The following FAT3 variants were observed in gnomAD, a reference collection of about 807,000 sequenced individuals.
The protein encoded by FAT3 is protocadherin Fat 3.
FAT3 carries 95 observed loss-of-function variants against 310.2 expected under a neutral mutation model. The observed-to-expected ratio is 0.31, with a 90% CI of 0.26 to 0.36. FAT3 has a LOEUF of 0.36. Among genes scored for constraint, FAT3 ranks in the 10% least tolerant of loss-of-function variants. The probability of loss-of-function intolerance (pLI) is 1.00; values close to 1 mark genes in which losing one functional copy is unlikely to be tolerated. For synonymous variants in FAT3, 2,314 were observed against 2,192.9 expected (o/e 1.06, Z -1.54); for missense variants, 5,408 against 5,715.6 (o/e 0.95, Z 1.74).
chr11:92,537,445 C>T (rs1375497176), intron 3 of FAT3, among the ~76,000 whole-genome samples: 1 of 152,106 alleles, frequency 6.6e-6, no homozygotes, highest in East Asian at 1.9e-4. Context: ...TATCTGTATA[C>T]CCCTTAGCAG....
chr11:92,598,230 A>ATATT (rs756896313), intron 3 of FAT3, among the ~76,000 whole-genome samples: 4,553 of 134,354 alleles, frequency 0.034, 91 homozygotes, highest in African/African-American at 0.052. Flanking sequence ...ATATATATAT[A>ATATT]TTTTTTTTTT....
At chr11:92,603,748 C>G (rs1319927747) in intron 3 of FAT3, among the ~76,000 whole-genome samples, 2 of 152,138 alleles carry the variant, frequency 1.3e-5, no homozygotes, top group African/African-American at 4.8e-5. Context: ...AACAGTCCAC[C>G]AGATTGCTCT....
chr11:92,364,417 C>G (rs1948960991), intron 2 of FAT3, among the ~76,000 whole-genome samples: 1 of 152,160 alleles, frequency 6.6e-6, no homozygotes, highest in African/African-American at 2.4e-5. Context: ...ATTTATTGCC[C>G]TTCATGACTT....
chr11:92,303,541 G>A (rs1031706592), intron 1 of FAT3, among the ~76,000 whole-genome samples: 2 of 152,052 alleles, frequency 1.3e-5, no homozygotes, highest in African/African-American at 2.4e-5. Context: ...TTGAGGAGTC[G>A]AGTCCTGCAC....
intron 1 of FAT3, among the ~76,000 whole-genome samples, chr11:92,286,767 G>C (rs1946570737): frequency 6.6e-6 from 1 of 151,648 alleles, no homozygotes; most frequent in Admixed American, 6.6e-5. Context: ...TGTGGCATCT[G>C]TTAGAGAAAA....
intron 2 of FAT3, among the ~76,000 whole-genome samples, chr11:92,504,672 A>G (rs1258530422): frequency 9.9e-5 from 15 of 152,040 alleles, no homozygotes; most frequent in Non-Finnish European, 1.3e-4. Flanking sequence ...TTTCCCCAAC[A>G]AGATTTACCT....
intron 3 of FAT3, among the ~76,000 whole-genome samples, chr11:92,558,373 A>G (rs879744377): frequency 1.3e-5 from 2 of 150,860 alleles, no homozygotes; most frequent in Non-Finnish European, 3.0e-5. Flanking sequence ...GTGGTATGTG[A>G]TAGATTCATA....
intron 4 of FAT3, among the ~76,000 whole-genome samples, chr11:92,701,496 C>T (rs1944095312): frequency 1.3e-5 from 2 of 152,210 alleles, no homozygotes; most frequent in African/African-American, 2.4e-5. Context: ...TTCACAAGTA[C>T]AGCTTATACT....
chr11:92,834,808 A>T, intron 14 of FAT3, 62 bp from the exon 15 acceptor site: 1 of 1,348,910 alleles, frequency 7.4e-7, no homozygotes, highest in Non-Finnish European at 1.0e-6. Context: ...TACCATGATT[A>T]TAGAATTGCT....
Position 92,354,146 on chromosome 11 carries a change from A to G in FAT3, c.2034A>G (p.Ser678=), listed in dbSNP as rs775755926. The change falls in exon 2 of 28, where the codon TCA becomes TCG. Residue 678 remains serine (S), a synonymous_variant. Transcript: ENST00000525166. ...NISVLHGKVS[S]KSFSCRETRV... is the part of the protein sequence containing the mutation. ...CAGTCCTACATGGGAAAGTGTCTTCAAAGAGCTTCAGTTGCAGAGAAACTC... is the reference window on the plus strand; with the variant it reads ...CAGTCCTACATGGGAAAGTGTCTTCGAAGAGCTTCAGTTGCAGAGAAACTC... The G allele has an allele frequency of 3.7e-6, 6 of 1,613,898 alleles. No individual in the cohort carries two copies. The Admixed American group carries it at 1.0e-4, about 27-fold the overall frequency.
At chr11:92,783,549 G>A (rs1288731785) in intron 7 of FAT3, among the ~76,000 whole-genome samples, 1 of 149,324 alleles carries the variant, frequency 6.7e-6, no homozygotes, top group Admixed American at 6.7e-5. Flanking sequence ...GCTTATGCCT[G>A]TAATCCCAAC....
At chr11:92,587,049 G>A (rs1939192556) in intron 3 of FAT3, among the ~76,000 whole-genome samples, 1 of 151,970 alleles carries the variant, frequency 6.6e-6, no homozygotes, top group Non-Finnish European at 1.5e-5. Context: ...GTAGCTATAG[G>A]AATCTTCTTA....
intron 4 of FAT3, among the ~76,000 whole-genome samples, chr11:92,740,171 T>G (rs1945466012): frequency 6.6e-6 from 1 of 152,210 alleles, no homozygotes; most frequent in Non-Finnish European, 1.5e-5. Flanking sequence ...AAAAACTACT[T>G]GTATTCTACT....
intron 4 of FAT3, among the ~76,000 whole-genome samples, chr11:92,698,204 A>G (rs1450525995): frequency 6.6e-6 from 1 of 152,172 alleles, no homozygotes; most frequent in East Asian, 1.9e-4. Flanking sequence ...ATAATCTTTT[A>G]GTTCCTAAGA....
chr11:92,708,218 A>G (rs757276325), intron 4 of FAT3, among the ~76,000 whole-genome samples: 2 of 152,260 alleles, frequency 1.3e-5, no homozygotes, highest in Non-Finnish European at 2.9e-5. Flanking sequence ...AAAACCTATA[A>G]TAAGTTTGGT....
rs76113339 is a variant in FAT3, at chr11:92,846,013, A to G, written c.11365+1281A>G. Among the ~76,000 whole-genome samples, 897 of 152,338 alleles carry G rather than the reference A, an allele frequency of 5.9e-3. 12 individuals are homozygous for G. The highest frequency in any genetic ancestry group is 0.02 in the African/African-American group (835 of 41,574). ...CTTGTTTAATATGTAAATTAGCTGC[A>G]AAGTAACTCAAAGCATGCATGCTAG... On this transcript the variant is annotated intron_variant, in intron 19 of 27. Coordinates refer to ENST00000525166, the MANE Select transcript of FAT3 (RefSeq NM_001367949.2).
chr11:92,591,661 T>C lies in FAT3; in HGVS notation c.3607+66713T>C, dbSNP rs1939432998. 2.6e-5 allele frequency among the ~76,000 whole-genome samples: 4 copies of C among 152,268 alleles called. No homozygotes were observed. The South Asian group carries it at 6.2e-4, about 24-fold the overall frequency. On this transcript the variant is annotated intron_variant, in intron 3 of 27. Coordinates refer to ENST00000525166, the MANE Select transcript of FAT3 (RefSeq NM_001367949.2). Reference sequence around the variant, plus strand: ...GGAGGAATACCAAGTCAATTTTTGCTGAACTATAAGCATACCAGCTATTTT... The same window carrying C: ...GGAGGAATACCAAGTCAATTTTTGCCGAACTATAAGCATACCAGCTATTTT...
intron 2 of FAT3, among the ~76,000 whole-genome samples, chr11:92,401,674 A>G (rs563997776): frequency 6.6e-6 from 1 of 152,182 alleles, no homozygotes; most frequent in Non-Finnish European, 1.5e-5. Flanking sequence ...CTCCACCACA[A>G]TGACAAGGCT....
chr11:92,482,246 T>C (rs1162055618), intron 2 of FAT3, among the ~76,000 whole-genome samples: 1 of 152,156 alleles, frequency 6.6e-6, no homozygotes, highest in Non-Finnish European at 1.5e-5. Flanking sequence ...TTACAATGAA[T>C]AGTCTTTTTC....
Sources: gnomAD v4.1 joint callset for allele counts (sites outside exome capture counted in the v4.1 genomes callset) on GRCh38, gnomAD v4.1.1 for gene constraint, MANE v1.5 for transcripts, NCBI Gene and HGNC (gene_info 2026-07-23, HGNC 2026-07-21) for gene names.